Variants in MAN1A1 observed in about 807,000 individuals in gnomAD.
MAN1A1 encodes mannosidase alpha class 1A member 1, also known as mannosyl-oligosaccharide 1,2-alpha-mannosidase IA.
A neutral mutation model predicts 70.8 loss-of-function variants in MAN1A1; 29 were observed. The ratio of observed to expected loss-of-function variants is 0.41; its 90% confidence interval spans 0.31 to 0.56. The LOEUF (loss-of-function observed/expected upper bound fraction) is 0.56. MAN1A1 is among the 20% of genes least tolerant of loss of function. The pLI is 0.29. For missense variants in MAN1A1, 747 were observed against 841.3 expected, an observed-to-expected ratio of 0.89 and a Z score of 1.39; for synonymous variants, 349 against 330.1, an observed-to-expected ratio of 1.06 and a Z score of -0.62.
At chr6:119,207,178 A>G (rs1246293758) in intron 6 of MAN1A1, among the ~76,000 whole-genome samples, 1 of 152,204 alleles carries the variant, frequency 6.6e-6, no homozygotes, top group Non-Finnish European at 1.5e-5. Context: ...AAAGGGTTAA[A>G]TTTATCCTTC....
At chr6:119,255,461 C>A (rs932091799) in intron 5 of MAN1A1, among the ~76,000 whole-genome samples, 2 of 152,174 alleles carry the variant, frequency 1.3e-5, no homozygotes, top group Non-Finnish European at 2.9e-5. Context: ...TAATATGGGC[C>A]AAAATCAATC....
chr6:119,198,575 C>T (rs1049234713), intron 8 of MAN1A1, among the ~76,000 whole-genome samples: 1 of 152,064 alleles, frequency 6.6e-6, no homozygotes, highest in Non-Finnish European at 1.5e-5. Flanking sequence ...TTTTCGTTAC[C>T]TCGTTTAAAA....
intron 6 of MAN1A1, among the ~76,000 whole-genome samples, chr6:119,243,067 A>G (rs1161468626): frequency 6.6e-6 from 1 of 152,142 alleles, no homozygotes; most frequent in African/African-American, 2.4e-5. Context: ...TACAGTTTCT[A>G]AACTTGTCTC....
intron 4 of MAN1A1, among the ~76,000 whole-genome samples, chr6:119,293,590 C>T (rs1019667918): frequency 6.6e-6 from 1 of 152,114 alleles, no homozygotes; most frequent in Admixed American, 6.6e-5. Flanking sequence ...AAAACCAGAA[C>T]CACATTCGAA....
At chr6:119,190,840 T>A (rs914751777) in intron 9 of MAN1A1, among the ~76,000 whole-genome samples, 12 of 152,332 alleles carry the variant, frequency 7.9e-5, no homozygotes, top group African/African-American at 2.2e-4. Flanking sequence ...ATAAAGTGTG[T>A]TTGGCATTGC....
At chr6:119,211,911 G>A (rs957345438) in intron 6 of MAN1A1, among the ~76,000 whole-genome samples, 2 of 150,252 alleles carry the variant, frequency 1.3e-5, no homozygotes, top group African/African-American at 4.9e-5. Context: ...GTGCGATCAC[G>A]GCTCACTGCA....
At chr6:119,275,508 G>A (rs56372814) in intron 5 of MAN1A1, among the ~76,000 whole-genome samples, 7 of 146,724 alleles carry the variant, frequency 4.8e-5, no homozygotes, top group African/African-American at 1.5e-4. Flanking sequence ...GGGTTTCACC[G>A]TTTTAGCCGG....
At chr6:119,277,994 A>AATAAAT (rs1776124501) in intron 5 of MAN1A1, among the ~76,000 whole-genome samples, 1 of 141,352 alleles carries the variant, frequency 7.1e-6, no homozygotes, top group Non-Finnish European at 1.6e-5. Context: ...AATAAAAAAA[A>AATAAAT]AGTAATTAGC....
intron 11 of MAN1A1, among the ~76,000 whole-genome samples, chr6:119,182,980 T>C (rs1207997759): frequency 6.6e-6 from 1 of 152,072 alleles, no homozygotes; most frequent in Non-Finnish European, 1.5e-5. Flanking sequence ...CTAGAAAGGA[T>C]TTTGGAGGAA....
intron 2 of MAN1A1, among the ~76,000 whole-genome samples, chr6:119,344,043 A>C (rs1773665553): frequency 6.6e-6 from 1 of 152,260 alleles, no homozygotes; most frequent in Admixed American, 6.5e-5. Flanking sequence ...TAAGTTCTTC[A>C]ATGAATTCCA....
intron 11 of MAN1A1, among the ~76,000 whole-genome samples, chr6:119,187,562 A>G (rs918019458): frequency 2.2e-4 from 34 of 152,232 alleles, no homozygotes; most frequent in African/African-American, 8.0e-4. Context: ...AAATTTTACC[A>G]AAGGCAATAT....
chr6:119,318,684 A>T (rs1472726435), intron 2 of MAN1A1, among the ~76,000 whole-genome samples: 1 of 152,222 alleles, frequency 6.6e-6, no homozygotes, highest in Non-Finnish European at 1.5e-5. Flanking sequence ...CTGCTATATT[A>T]AAAAAGTGAA....
chr6:119,296,716 GA>G (rs3839395), intron 4 of MAN1A1, among the ~76,000 whole-genome samples: 57,163 of 148,434 alleles, frequency 0.39, 11,238 homozygotes, highest in Non-Finnish European at 0.41. Flanking sequence ...TAACATTAAA[GA>G]AAAAAAAAAA....
intron 5 of MAN1A1, among the ~76,000 whole-genome samples, chr6:119,284,837 T>C (rs1403254479): frequency 6.6e-6 from 1 of 152,232 alleles, no homozygotes. Flanking sequence ...ATGATGTACA[T>C]ATTTTCCTAA....
rs1162004743 is a variant in MAN1A1, at chr6:119,189,649, A to C, written c.1546+15T>G. ...TGTGGGAATAGACCATAAATGAAGA[A>C]TAACATGTACTCACATGTTCGATTA... On this transcript the variant is annotated intron_variant, in intron 10 of 12. Coordinates refer to ENST00000368468, the MANE Select transcript of MAN1A1 (RefSeq NM_005907.4). The C allele has an allele frequency of 4.4e-6, 7 of 1,606,562 alleles. No homozygotes were observed. Among genetic ancestry groups the C allele is most frequent in the Non-Finnish European group, 6.0e-6 (7 of 1,173,252 alleles).
At chr6:119,268,668 C>T (rs1775825699) in intron 5 of MAN1A1, among the ~76,000 whole-genome samples, 1 of 151,982 alleles carries the variant, frequency 6.6e-6, no homozygotes, top group Non-Finnish European at 1.5e-5. Context: ...CTCACTGCAG[C>T]CTTGACCTCC....
intron 2 of MAN1A1, among the ~76,000 whole-genome samples, chr6:119,308,058 A>C (rs1174919528): frequency 1.3e-5 from 2 of 152,244 alleles, no homozygotes; most frequent in African/African-American, 4.8e-5. Context: ...CTATCTGCTA[A>C]GTACTCTGCT....
intron 9 of MAN1A1, among the ~76,000 whole-genome samples, chr6:119,192,511 T>C (rs970278089): frequency 6.6e-6 from 1 of 152,158 alleles, no homozygotes; most frequent in Non-Finnish European, 1.5e-5. Flanking sequence ...AAGCTGCATT[T>C]ATATTTAAAT....
chr6:119,282,751 T>G (rs1776256028), intron 5 of MAN1A1, among the ~76,000 whole-genome samples: 1 of 152,062 alleles, frequency 6.6e-6, no homozygotes, highest in Admixed American at 6.6e-5. Flanking sequence ...TATACAACAA[T>G]TACATAATTA....
Sources: gnomAD v4.1 joint callset for allele counts (sites outside exome capture counted in the v4.1 genomes callset) on GRCh38, gnomAD v4.1.1 for gene constraint, MANE v1.5 for transcripts, NCBI Gene and HGNC (gene_info 2026-07-23, HGNC 2026-07-21) for gene names.